The following SPEN variants were observed in gnomAD, a reference collection of about 807,000 sequenced individuals.
The protein encoded by SPEN is spen family transcriptional repressor, also known as msx2-interacting protein.
A neutral mutation model predicts 269.9 loss-of-function variants in SPEN; 18 were observed. The ratio of observed to expected loss-of-function variants is 0.07; its 90% CI spans 0.05 to 0.10. SPEN has a LOEUF of 0.10. SPEN is among the 10% of genes least tolerant of loss of function. The pLI is 1.00. For missense variants in SPEN, 3,822 were observed against 4,631.2 expected (o/e 0.83, Z 5.07); for synonymous variants, 1,726 against 1,765.7 (o/e 0.98, Z 0.56).
chr1:15,873,504 A>G (rs2070601711), intron 2 of SPEN: 4 of 1,005,062 alleles, frequency 4.0e-6, no homozygotes, highest in South Asian at 4.4e-5. Context: ...TGTTCATACT[A>G]TATGGAATAT....
chr1:15,879,430 C>T (rs2070665570), intron 3 of SPEN, among the ~76,000 whole-genome samples: 1 of 151,818 alleles, frequency 6.6e-6, no homozygotes, highest in Non-Finnish European at 1.5e-5. Flanking sequence ...AGTCCCTGCT[C>T]ATGTAATTAA....
At chr1:15,938,149 G>A in intron 13 of SPEN, 143 bp downstream of exon 13, 1 of 803,160 alleles carries the variant, frequency 1.2e-6, no homozygotes, top group East Asian at 2.7e-5. Context: ...TGTCGCCTGG[G>A]CTGGAGTGCA....
intron 1 of SPEN, among the ~76,000 whole-genome samples, chr1:15,859,353 CTTTTCTTTTTT>C (rs2070418778): frequency 9.5e-6 from 1 of 105,244 alleles, no homozygotes; most frequent in South Asian, 2.9e-4. Flanking sequence ...TTTTCTTTTT[CTTTTCTTTTTT>C]TTTTTTTTTT....
At position 15,928,613 on chromosome 1, in the gene SPEN, A is replaced by C. The variant is rs1480553472; in HGVS notation, c.2373A>C (p.Thr791=). The C allele has an allele frequency of 1.2e-6, 2 of 1,614,062 alleles. No homozygotes were observed. The highest frequency in any genetic ancestry group is 2.2e-5 in the South Asian group (2 of 91,086). Reference sequence around the variant, plus strand: ...AGCGCTATACAAAAAATGAAAAGACAGATAAAGAACGAACTTTTGATCCGG... The same window carrying C: ...AGCGCTATACAAAAAATGAAAAGACCGATAAAGAACGAACTTTTGATCCGG... The part of the protein sequence containing the change: ...RLERYTKNEK[T]DKERTFDPER... Residue 791 remains threonine (T), a synonymous_variant, in exon 11 of 15, where the codon ACA becomes ACC. Coordinates refer to ENST00000375759, the MANE Select transcript of SPEN (RefSeq NM_015001.3). This position sits in a 1 kb window ranked among gnomAD's most constrained non-coding sequence, Gnocchi z 5.7.
chr1:15,859,445 C>T (rs561154212), intron 1 of SPEN, among the ~76,000 whole-genome samples: 3 of 150,494 alleles, frequency 2.0e-5, no homozygotes, highest in East Asian at 2.0e-4. Flanking sequence ...GCAAGCTCCG[C>T]CTCCTGGGTT....
chr1:15,898,705 A>G (rs2070866769), intron 3 of SPEN, among the ~76,000 whole-genome samples: 1 of 151,662 alleles, frequency 6.6e-6, no homozygotes, highest in Non-Finnish European at 1.5e-5. Flanking sequence ...GATTACAGGC[A>G]TGTGCAACTA....
In SPEN at chr1:15,929,747, C is replaced by T. The variant is rs745549761; in HGVS notation, c.3507C>T (p.Tyr1169=). ...TTGACATCGATCACACGCAGAGTTACCGAAAACAAATGGAACAGAGTCGTA... is the reference window on the plus strand; with the variant it reads ...TTGACATCGATCACACGCAGAGTTATCGAAAACAAATGGAACAGAGTCGTA... The part of the protein sequence containing the change: ...IGIDIDHTQS[Y]RKQMEQSRRK... The change falls in exon 11 of 15, where the codon TAC becomes TAT. Residue 1169 remains tyrosine, a synonymous_variant. Coordinates refer to ENST00000375759, the MANE Select transcript of SPEN (RefSeq NM_015001.3). The surrounding 1 kb of genome is among the most constrained non-coding windows in gnomAD (Gnocchi z 5.8). 72 of 1,613,922 alleles carry T rather than the reference C, an allele frequency of 4.5e-5. No individual in the cohort carries two copies. The highest frequency in any genetic ancestry group is 5.9e-5 in the Non-Finnish European group (70 of 1,180,006).
chr1:15,928,226 A>G lies in SPEN; in HGVS notation c.1986A>G (p.Glu662=). The G allele has an allele frequency of 6.2e-7, 1 of 1,614,196 alleles. No homozygotes were observed. The highest frequency in any genetic ancestry group is 8.5e-7 in the Non-Finnish European group (1 of 1,180,044). The part of the protein sequence containing the change: ...ARGREFYSEW[E]TYQGDYYESR... The stretch of plus-strand genomic sequence containing the variant: ...GGAGAGAGTTTTATTCAGAATGGGA[A>G]ACTTACCAAGGAGACTACTATGAAT... The change falls in exon 11 of 15, where the codon GAA becomes GAG. Residue 662 remains glutamate (E), a synonymous_variant. Coordinates refer to ENST00000375759, the MANE Select transcript of SPEN (RefSeq NM_015001.3). The surrounding 1 kb of genome is among the most constrained non-coding windows in gnomAD (Gnocchi z 5.7).
chr1:15,852,806 T>G (rs1316007884), intron 1 of SPEN, among the ~76,000 whole-genome samples: 2 of 152,202 alleles, frequency 1.3e-5, no homozygotes, highest in African/African-American at 2.4e-5. Context: ...TTACTGAAAT[T>G]TTTAAAAAAT....
At chr1:15,861,134 C>CTTTTTT (rs1169274095) in intron 1 of SPEN, among the ~76,000 whole-genome samples, 1 of 136,128 alleles carries the variant, frequency 7.3e-6, no homozygotes, top group Non-Finnish European at 1.6e-5. Context: ...GGCTGAGTGA[C>CTTTTTT]TTTTTTTTTT....
chr1:15,899,537 GTTTT>G (rs34565365), intron 3 of SPEN, among the ~76,000 whole-genome samples: 2 of 83,432 alleles, frequency 2.4e-5, no homozygotes, highest in African/African-American at 9.1e-5. Flanking sequence ...ATGTGGCAGA[GTTTT>G]TTTTTTTTTT....
In SPEN at chr1:15,930,773, G is replaced by T. The variant is rs756929359; in HGVS notation, c.4533G>T (p.Lys1511Asn). 6.2e-7 allele frequency: 1 copy of T among 1,614,180 alleles called. No individual in the cohort carries two copies. The highest frequency in any genetic ancestry group is 1.1e-5 in the South Asian group (1 of 91,082). ...RTDSEGKMDD[K>N]KEDHKEEEQE... is the part of the protein sequence containing the mutation. ...ATTCAGAAGGGAAAATGGATGATAA[G>T]AAAGAGGACCATAAAGAAGAAGAGC... The change falls in exon 11 of 15, where the codon AAG (lysine) becomes AAT (asparagine). Residue 1511 changes from lysine to asparagine, a missense_variant. Around this residue, in one of 16 missense-constraint regions of SPEN, gnomAD observed 533 missense variants for 618.8 expected, o/e 0.86. Transcript: ENST00000375759. This position sits in a 1 kb window ranked among gnomAD's most constrained non-coding sequence, Gnocchi z 5.3.
chr1:15,893,795 G>T (rs533227721), intron 3 of SPEN, among the ~76,000 whole-genome samples: 29 of 152,204 alleles, frequency 1.9e-4, no homozygotes, highest in Middle Eastern at 6.8e-3. Flanking sequence ...CAGCACTTTG[G>T]GGGAGGCTAA....
In SPEN at chr1:15,934,014, A is replaced by G. The variant is rs1232286233; in HGVS notation, c.7774A>G (p.Asn2592Asp). 3 of 1,614,054 alleles carry G rather than the reference A, an allele frequency of 1.9e-6. No individual in the cohort carries two copies. Among genetic ancestry groups the G allele is most frequent in the East Asian group, 2.2e-5 (1 of 44,878 alleles). ...AGAAAAAACAGCACCTCCAGTGACA[A>G]ACAACTCTGAGATACAAGCCTCGGA... ...LEEKTAPPVT[N>D]NSEIQASEVL... Residue 2592 changes from asparagine (N) to aspartate (D), a missense_variant, in exon 11 of 15, where the codon AAC (asparagine) becomes GAC (aspartate). Coordinates refer to ENST00000375759, the MANE Select transcript of SPEN (RefSeq NM_015001.3). This position sits in a 1 kb window ranked among gnomAD's most constrained non-coding sequence, Gnocchi z 9.2.
intron 10 of SPEN, among the ~76,000 whole-genome samples, chr1:15,925,398 C>T (rs2071157089): frequency 6.6e-6 from 1 of 152,164 alleles, no homozygotes; most frequent in African/African-American, 2.4e-5. Flanking sequence ...CGTACATGGT[C>T]CAAGTGCCAG....
At position 15,934,004 on chromosome 1, in the gene SPEN, T is replaced by G; in HGVS notation, c.7764T>G (p.Pro2588=). 1 of 1,613,732 alleles carries G rather than the reference T, an allele frequency of 6.2e-7. No homozygotes were observed. Among genetic ancestry groups the G allele is most frequent in the Admixed American group, 1.7e-5 (1 of 59,992 alleles). Residue 2588 remains proline (P), a synonymous_variant, in exon 11 of 15, where the codon CCT becomes CCG. Coordinates refer to ENST00000375759, the MANE Select transcript of SPEN (RefSeq NM_015001.3). The surrounding 1 kb of genome is among the most constrained non-coding windows in gnomAD (Gnocchi z 9.2). ...SKKPLEEKTA[P]PVTNNSEIQA... ...AGCCTTTAGAAGAAAAAACAGCACC[T>G]CCAGTGACAAACAACTCTGAGATAC...
chr1:15,878,807 C>T (rs973217138), intron 3 of SPEN, among the ~76,000 whole-genome samples: 3 of 151,824 alleles, frequency 2.0e-5, no homozygotes, highest in Admixed American at 6.6e-5. Flanking sequence ...GCAAGGAGTT[C>T]GAGACCAGCC....
intron 5 of SPEN, 126 bp downstream of exon 5, chr1:15,911,427 C>A: frequency 1.4e-6 from 1 of 725,406 alleles, no homozygotes; most frequent in Middle Eastern, 2.4e-4. Context: ...GACATATTTC[C>A]ATTGTCTTCT....
chr1:15,929,064 G>A lies in SPEN; in HGVS notation c.2824G>A (p.Glu942Lys). Residue 942 changes from glutamate to lysine, a missense_variant, in exon 11 of 15, where the codon GAA becomes AAA. Transcript: ENST00000375759. This position sits in a 1 kb window ranked among gnomAD's most constrained non-coding sequence, Gnocchi z 5.8. ...LESVRMKVPK[E>K]KGLSSHVEVV... is the part of the protein sequence containing the mutation. ...ATCAGTTAGAATGAAAGTACCAAAG[G>A]AAAAGGGGCTTTCAAGCCATGTTGA... 6.2e-7 allele frequency: 1 copy of A among 1,614,226 alleles called. No homozygotes were observed. The highest frequency in any genetic ancestry group is 8.5e-7 in the Non-Finnish European group (1 of 1,180,046).
Sources: gnomAD v4.1 joint callset for allele counts (sites outside exome capture counted in the v4.1 genomes callset) on GRCh38, gnomAD v4.1.1 for gene constraint, gnomAD v4.1.1 regional missense constraint, Gnocchi (gnomAD v3.1) non-coding constraint, MANE v1.5 for transcripts, NCBI Gene and HGNC (gene_info 2026-07-23, HGNC 2026-07-21) for gene names.